PARP8: variants seen among roughly 807,000 people sequenced by gnomAD.
The protein encoded by PARP8 is poly(ADP-ribose) polymerase family member 8.
Under a neutral mutation model 124.1 loss-of-function variants are expected in PARP8, and 51 were observed. The ratio of observed to expected loss-of-function variants is 0.41; its 90% CI spans 0.33 to 0.52. The LOEUF is 0.52. Among genes scored for constraint, PARP8 ranks in the 20% least tolerant of loss-of-function variants. The pLI is 0.21. For synonymous variants in PARP8, 391 were observed against 361.5 expected, an observed-to-expected ratio of 1.08 and a Z score of -0.93; for missense variants, 860 against 1,018.9, an observed-to-expected ratio of 0.84 and a Z score of 2.12.
chr5:50,743,933 G>T (rs185937912), intron 2 of PARP8, among the ~76,000 whole-genome samples: 2 of 152,238 alleles, frequency 1.3e-5, no homozygotes, highest in Admixed American at 1.3e-4. Context: ...AAGATACGAG[G>T]ATGTAGTTTA....
chr5:50,835,446 A>G (rs903216560), intron 25 of PARP8, among the ~76,000 whole-genome samples: 41 of 152,192 alleles, frequency 2.7e-4, no homozygotes, highest in Non-Finnish European at 2.8e-4. Flanking sequence ...GGGCTGAGGC[A>G]GGAGAATCGC....
intron 2 of PARP8, among the ~76,000 whole-genome samples, chr5:50,693,460 A>G (rs1314484378): frequency 1.3e-5 from 2 of 152,190 alleles, no homozygotes; most frequent in East Asian, 1.9e-4. Flanking sequence ...CATAAGTTCA[A>G]TTTAGCATCT....
At chr5:50,724,500 A>G (rs1248442509) in intron 2 of PARP8, among the ~76,000 whole-genome samples, 2 of 152,130 alleles carry the variant, frequency 1.3e-5, no homozygotes, top group Non-Finnish European at 2.9e-5. Flanking sequence ...ACATGAATTG[A>G]TATGTAGATG....
At chr5:50,841,256 G>GA (rs1270272476) in intron 25 of PARP8, among the ~76,000 whole-genome samples, 1 of 151,758 alleles carries the variant, frequency 6.6e-6, no homozygotes, top group Non-Finnish European at 1.5e-5. Flanking sequence ...TCATTCTTAA[G>GA]AAATTCTTAT....
In PARP8 at chr5:50,667,321, A is replaced by G. The variant is rs1749405874; in HGVS notation, c.91+135A>G. Reference sequence around the variant, plus strand: ...GGTTCATTTGGCAACAGCTGCTGCAACGAGCGCGGGAGCCAAAAGGGGGAG... The same window carrying G: ...GGTTCATTTGGCAACAGCTGCTGCAGCGAGCGCGGGAGCCAAAAGGGGGAG... On this transcript the variant is annotated intron_variant, in intron 1 of 25. Transcript: ENST00000281631. The G allele has an allele frequency of 1.8e-4, 170 of 928,594 alleles. 3 individuals carry two copies. In the South Asian group the frequency reaches 2.3e-3, roughly 13 times the overall value. 57.5% of individuals were successfully genotyped at this position (928,594 alleles called of 1,614,324 possible).
chr5:50,818,522 G>A (rs1249529283), intron 15 of PARP8, among the ~76,000 whole-genome samples: 2 of 151,960 alleles, frequency 1.3e-5, no homozygotes, highest in East Asian at 3.9e-4. Flanking sequence ...GAGCCACCAT[G>A]CCCAGCCTCT....
At chr5:50,751,224 TG>T (rs1759225564) in intron 3 of PARP8, among the ~76,000 whole-genome samples, 1 of 152,120 alleles carries the variant, frequency 6.6e-6, no homozygotes, top group Non-Finnish European at 1.5e-5. Flanking sequence ...GTGGGCCAAG[TG>T]TTTAGCTCCC....
intron 7 of PARP8, among the ~76,000 whole-genome samples, chr5:50,764,446 A>G (rs1386031227): frequency 1.3e-5 from 2 of 152,214 alleles, no homozygotes; most frequent in Non-Finnish European, 2.9e-5. Flanking sequence ...AGTAATTTCA[A>G]TTGGGAAGTA....
At chr5:50,709,594 A>C (rs1214024778) in intron 2 of PARP8, among the ~76,000 whole-genome samples, 4 of 151,832 alleles carry the variant, frequency 2.6e-5, no homozygotes, top group African/African-American at 9.7e-5. Context: ...AACATATTTT[A>C]ATAATAATGT....
At chr5:50,718,432 T>G (rs1449157725) in intron 2 of PARP8, among the ~76,000 whole-genome samples, 1 of 151,924 alleles carries the variant, frequency 6.6e-6, no homozygotes, top group African/African-American at 2.4e-5. Context: ...TACACATATG[T>G]GTGTGTATGT....
At chr5:50,793,535 A>G (rs1034479061) in intron 10 of PARP8, among the ~76,000 whole-genome samples, 1 of 152,164 alleles carries the variant, frequency 6.6e-6, no homozygotes, top group Non-Finnish European at 1.5e-5. Flanking sequence ...GGAGTTACCA[A>G]CATTCTGCCT....
Position 50,846,435 on chromosome 5 carries a change from G to A in PARP8, c.*4367G>A, listed in dbSNP as rs367669311. 1 of 151,630 alleles carries A rather than the reference G, an allele frequency of 6.6e-6. No homozygotes were observed. Among genetic ancestry groups the A allele is most frequent in the Admixed American group, 6.6e-5 (1 of 15,176 alleles). 9.4% of individuals were successfully genotyped at this position (151,630 alleles called of 1,614,324 possible). On this transcript the variant is annotated 3_prime_UTR_variant, in exon 26 of 26. Transcript: ENST00000281631. ...GCTCTTGCTTTCTATTGCTACTAAA[G>A]CCTCTTTTATCCAGCTTTGTAATAG... is the stretch of plus-strand genomic sequence containing the variant.
intron 2 of PARP8, among the ~76,000 whole-genome samples, chr5:50,671,505 A>C (rs201628825): frequency 1.3e-3 from 2 of 1,496 alleles, no homozygotes; most frequent in Admixed American, 4.6e-3. Flanking sequence ...TGTGTTTTGT[A>C]AAAAAAAAAA....
Position 50,667,164 on chromosome 5 carries a change from T to A in PARP8, c.69T>A (p.Ala23=), listed in dbSNP as rs1749381658. The change falls in exon 1 of 26, where the codon GCT becomes GCA. Residue 23 remains alanine, a synonymous_variant. Coordinates refer to ENST00000281631, the MANE Select transcript of PARP8 (RefSeq NM_024615.4). ...DIDVVIQKSR[A]EKDCLFADFR... is the part of the protein sequence containing the mutation. The stretch of plus-strand genomic sequence containing the variant: ...ACGTCGTGATCCAGAAGTCCAGAGC[T>A]GAGAAGGACTGCCTGTTTGCAGGTG... 1.9e-6 allele frequency: 3 copies of A among 1,596,206 alleles called. No homozygotes were observed. The highest frequency in any genetic ancestry group is 3.3e-5 in the Admixed American group (2 of 59,996).
At chr5:50,713,690 A>G (rs145008915) in intron 2 of PARP8, among the ~76,000 whole-genome samples, 1 of 152,204 alleles carries the variant, frequency 6.6e-6, no homozygotes, top group African/African-American at 2.4e-5. Flanking sequence ...ATTTACCAAT[A>G]TGATTAAATT....
At chr5:50,809,166 G>A (rs1744171905) in intron 14 of PARP8, among the ~76,000 whole-genome samples, 1 of 152,050 alleles carries the variant, frequency 6.6e-6, no homozygotes, top group African/African-American at 2.4e-5. Flanking sequence ...CTTAATTGCT[G>A]TGGGATTCTC....
intron 2 of PARP8, among the ~76,000 whole-genome samples, chr5:50,726,205 T>G (rs1264529123): frequency 6.6e-6 from 1 of 152,144 alleles, no homozygotes; most frequent in African/African-American, 2.4e-5. Flanking sequence ...AGTAGCACAG[T>G]GACTTTGGGA....
At chr5:50,713,729 A>G (rs922194844) in intron 2 of PARP8, among the ~76,000 whole-genome samples, 2 of 152,034 alleles carry the variant, frequency 1.3e-5, no homozygotes, top group African/African-American at 4.8e-5. Flanking sequence ...GATTACCTTG[A>G]TAATTATGTT....
chr5:50,774,808 G>A (rs1315662764), intron 7 of PARP8, among the ~76,000 whole-genome samples: 2 of 137,596 alleles, frequency 1.5e-5, no homozygotes, highest in Admixed American at 7.3e-5. Context: ...TCCCAGACGA[G>A]GCGGCCGGGC....
Sources: allele counts gnomAD v4.1 joint callset (sites outside exome capture counted in the v4.1 genomes callset), GRCh38; gene constraint gnomAD v4.1.1; transcripts MANE v1.5; gene names NCBI Gene and HGNC (gene_info 2026-07-23, HGNC 2026-07-21).